The following UBE2E2 variants were observed in gnomAD, a reference collection of about 807,000 sequenced individuals.
UBE2E2 encodes the protein ubiquitin-conjugating enzyme E2 E2.
In UBE2E2, 6 loss-of-function variants were observed where a neutral mutation model predicts 24.7. The observed-to-expected ratio is 0.24, with a 90% CI of 0.13 to 0.48. UBE2E2 has a LOEUF of 0.48. UBE2E2 is among the 20% of genes least tolerant of loss of function. The pLI is 0.99. For synonymous variants in UBE2E2, 104 were observed against 83.6 expected (o/e 1.24, Z -1.33); for missense variants, 169 against 245.0 (o/e 0.69, Z 2.07).
At chr3:23,316,346 C>A (rs765942313) in intron 3 of UBE2E2, among the ~76,000 whole-genome samples, 2 of 152,052 alleles carry the variant, frequency 1.3e-5, no homozygotes, top group Non-Finnish European at 2.9e-5. Flanking sequence ...CCTTCCCACT[C>A]TTCCTTCCCC....
At chr3:23,466,028 G>GATGCCACCTATAAAGAT in intron 3 of UBE2E2, among the ~76,000 whole-genome samples, 1 of 152,104 alleles carries the variant, frequency 6.6e-6, no homozygotes, top group Non-Finnish European at 1.5e-5. Context: ...CTTGTATTAG[G>GATGCCACCTATAAAGAT]ATGCCACCTA....
chr3:23,312,228 T>C (rs1215863669), intron 3 of UBE2E2, among the ~76,000 whole-genome samples: 1 of 152,194 alleles, frequency 6.6e-6, no homozygotes, highest in Non-Finnish European at 1.5e-5. Flanking sequence ...CATGAGCTGA[T>C]TAAACCTCTT....
At chr3:23,211,311 T>C (rs1696316206) in intron 2 of UBE2E2, among the ~76,000 whole-genome samples, 1 of 152,166 alleles carries the variant, frequency 6.6e-6, no homozygotes, top group African/African-American at 2.4e-5. Flanking sequence ...AGTGTCATTT[T>C]ATGAGATAAA....
At chr3:23,299,299 T>C (rs911263246) in intron 3 of UBE2E2, among the ~76,000 whole-genome samples, 1 of 152,188 alleles carries the variant, frequency 6.6e-6, no homozygotes, top group Non-Finnish European at 1.5e-5. Flanking sequence ...TCTGCTCTGA[T>C]TTTAGTTATT....
At chr3:23,482,666 AT>A (rs201850082) in intron 3 of UBE2E2, among the ~76,000 whole-genome samples, 19 of 151,492 alleles carry the variant, frequency 1.3e-4, no homozygotes, top group South Asian at 4.2e-4. Context: ...GATTATTATT[AT>A]TTTTTTTTAA....
chr3:23,417,137 T>G (rs1697658518), intron 3 of UBE2E2, among the ~76,000 whole-genome samples: 1 of 152,182 alleles, frequency 6.6e-6, no homozygotes, highest in Admixed American at 6.5e-5. Flanking sequence ...GGCTTTCTGG[T>G]TTTTGGAATT....
At chr3:23,547,415 C>G (rs1695549127) in intron 5 of UBE2E2, among the ~76,000 whole-genome samples, 1 of 152,184 alleles carries the variant, frequency 6.6e-6, no homozygotes, top group Admixed American at 6.5e-5. Flanking sequence ...TAGTTCTTCA[C>G]CAGTTGCTGC....
intron 3 of UBE2E2, among the ~76,000 whole-genome samples, chr3:23,497,292 C>T (rs914780514): frequency 6.6e-6 from 1 of 152,178 alleles, no homozygotes; most frequent in Non-Finnish European, 1.5e-5. Context: ...TACGGTATTG[C>T]ACAAACACAA....
At chr3:23,450,617 T>C (rs73138490) in intron 3 of UBE2E2, among the ~76,000 whole-genome samples, 6,356 of 152,252 alleles carry the variant, frequency 0.042, 464 homozygotes, top group African/African-American at 0.14. Flanking sequence ...ATTGCCCTTA[T>C]GTAGTTTTAG....
chr3:23,577,802 C>G (rs934487429), intron 5 of UBE2E2, among the ~76,000 whole-genome samples: 6 of 152,148 alleles, frequency 3.9e-5, no homozygotes, highest in African/African-American at 1.4e-4. Context: ...CAGGCTGACT[C>G]TCTTAGTAGG....
chr3:23,561,205 G>A (rs1184767708), intron 5 of UBE2E2, among the ~76,000 whole-genome samples: 1 of 152,136 alleles, frequency 6.6e-6, no homozygotes, highest in Admixed American at 6.5e-5. Context: ...ATGGTTTTAG[G>A]TCTAACGTTT....
At chr3:23,480,709 G>A (rs1313976190) in intron 3 of UBE2E2, among the ~76,000 whole-genome samples, 1 of 151,870 alleles carries the variant, frequency 6.6e-6, no homozygotes, top group Admixed American at 6.6e-5. Flanking sequence ...TTTAAATGCT[G>A]TAAAATTGCT....
intron 3 of UBE2E2, among the ~76,000 whole-genome samples, chr3:23,451,377 C>T (rs899431096): frequency 3.0e-4 from 46 of 152,100 alleles, no homozygotes; most frequent in Admixed American, 1.8e-3. Flanking sequence ...ATGGCATCCT[C>T]GAAACATCCT....
chr3:23,535,835 A>G (rs907357920), intron 5 of UBE2E2, among the ~76,000 whole-genome samples: 1 of 151,892 alleles, frequency 6.6e-6, no homozygotes. Context: ...GTTAGCCAGG[A>G]TGGTCTCAAT....
At chr3:23,549,043 A>C (rs73045615) in intron 5 of UBE2E2, among the ~76,000 whole-genome samples, 40,141 of 152,046 alleles carry the variant, frequency 0.26, 5,866 homozygotes, top group African/African-American at 0.38. Flanking sequence ...CTACCTTCTT[A>C]ATAAATGGCC....
At chr3:23,364,315 C>G (rs1696201134) in intron 3 of UBE2E2, among the ~76,000 whole-genome samples, 2 of 151,828 alleles carry the variant, frequency 1.3e-5, no homozygotes, top group African/African-American at 4.8e-5. Context: ...AAAAACCATA[C>G]AAAAGATCAA....
chr3:23,545,325 C>T (rs942811228), intron 5 of UBE2E2, among the ~76,000 whole-genome samples: 4 of 152,192 alleles, frequency 2.6e-5, no homozygotes, highest in Non-Finnish European at 5.9e-5. Context: ...GCAGAGGTCC[C>T]TGTGGCCTTC....
intron 3 of UBE2E2, among the ~76,000 whole-genome samples, chr3:23,380,237 A>G (rs1485246582): frequency 1.3e-5 from 2 of 152,092 alleles, no homozygotes; most frequent in Non-Finnish European, 2.9e-5. Context: ...TTATTTTTCT[A>G]GAGACAGGGT....
intron 3 of UBE2E2, among the ~76,000 whole-genome samples, chr3:23,489,307 T>A (rs1699446613): frequency 6.6e-6 from 1 of 152,276 alleles, no homozygotes; most frequent in South Asian, 2.1e-4. Context: ...GCCCTGAGCT[T>A]GTTTTTCTGC....
Sources: gnomAD v4.1 joint callset for allele counts (sites outside exome capture counted in the v4.1 genomes callset) on GRCh38, gnomAD v4.1.1 for gene constraint, MANE v1.5 for transcripts, NCBI Gene and HGNC (gene_info 2026-07-23, HGNC 2026-07-21) for gene names.